Variants in VDAC2 observed in about 807,000 individuals in gnomAD.
The protein encoded by VDAC2 is non-selective voltage-gated ion channel VDAC2.
Under a neutral mutation model 36.6 loss-of-function variants are expected in VDAC2, and 6 were observed. That is an observed-to-expected ratio of 0.16 (90% confidence interval 0.09 to 0.32). VDAC2 has a LOEUF of 0.32. Ranked by LOEUF, VDAC2 falls within the 10% of genes least tolerant of loss-of-function variation. VDAC2 has a pLI of 1.00. For missense variants in VDAC2, 247 were observed against 346.0 expected, an observed-to-expected ratio of 0.71 and a Z score of 2.27; for synonymous variants, 109 against 123.8, an observed-to-expected ratio of 0.88 and a Z score of 0.79.
chr10:75,221,464 C>G (rs1841811854), intron 7 of VDAC2, among the ~76,000 whole-genome samples: 1 of 152,126 alleles, frequency 6.6e-6, no homozygotes, highest in Non-Finnish European at 1.5e-5. Context: ...TCCCAAGTAG[C>G]TGGGACTACA....
chr10:75,221,329 G>GT (rs915644889), intron 7 of VDAC2, among the ~76,000 whole-genome samples: 49 of 151,188 alleles, frequency 3.2e-4, no homozygotes, highest in African/African-American at 8.7e-4. Flanking sequence ...TTGTGGTTGG[G>GT]TTTTTTTTTC....
At chr10:75,211,586 G>A (rs1033155958) in intron 2 of VDAC2, 2 of 1,550,490 alleles carry the variant, frequency 1.3e-6, no homozygotes, top group African/African-American at 1.4e-5. Flanking sequence ...TGGAATGAAT[G>A]AGCTGGTGTA....
In VDAC2 at chr10:75,219,300, A is replaced by T. The variant is rs769422315; in HGVS notation, c.304-4A>T. ...GAAAACAAATTACTTTTCTTTCAAA[A>T]TAGATTTGTCAAGGTTTGAAACTGA... On this transcript the variant is annotated splice_region_variant and splice_polypyrimidine_tract_variant and intron_variant, in intron 5 of 9. Coordinates refer to ENST00000332211, the MANE Select transcript of VDAC2 (RefSeq NM_001391963.1). 8 of 1,592,334 alleles carry T rather than the reference A, an allele frequency of 5.0e-6. No individual in the cohort carries two copies. The South Asian group carries it at 8.2e-5, about 16-fold the overall frequency.
rs1005922975 is a variant in VDAC2 at position 75,226,545 on chromosome 10, C to T, written c.736-3099C>T. On this transcript the variant is annotated intron_variant, in intron 8 of 9. Transcript: ENST00000332211. ...CATCTCTGCTCACTGCAACCTCAAC[C>T]TCCGCCTCTCGGGTTCAAGCAGTTC... Among the ~76,000 whole-genome samples, 5 of 150,054 alleles carry T rather than the reference C, an allele frequency of 3.3e-5. No homozygotes were observed. The East Asian group carries it at 1.0e-3, about 30-fold the overall frequency.
At chr10:75,210,780 C>T (rs1034575563), upstream of VDAC2, 40 of 185,856 alleles carry the variant, frequency 2.2e-4, no homozygotes, top group African/African-American at 7.7e-4. Context: ...GGGGCAGCGG[C>T]GGGGTCCTGT....
chr10:75,222,176 A>T lies in VDAC2; in HGVS notation c.585-76A>T, dbSNP rs1409717828. On this transcript the variant is annotated intron_variant, in intron 7 of 9. Transcript: ENST00000332211. Reference sequence around the variant, plus strand: ...AGCTGTGGTTTTTTATTTAAATGTAATGCTACAAATCAGCCTGTGCCTTAG... The same window carrying T: ...AGCTGTGGTTTTTTATTTAAATGTATTGCTACAAATCAGCCTGTGCCTTAG... The T allele has an allele frequency of 2.8e-6, 4 of 1,423,978 alleles. No individual in the cohort carries two copies. In the African/African-American group the frequency reaches 5.8e-5, roughly 21 times the overall value. The allele number at this position is 1,423,978 out of a possible 1,614,324, so 88.2% of individuals were successfully genotyped here.
At chr10:75,221,451 A>G (rs1398053821) in intron 7 of VDAC2, among the ~76,000 whole-genome samples, 4 of 151,374 alleles carry the variant, frequency 2.6e-5, no homozygotes, top group South Asian at 2.1e-4. Context: ...TCCTGCCTCA[A>G]CCTCCCAAGT....
intron 4 of VDAC2, chr10:75,218,254 C>G (rs1193685102): frequency 1.8e-5 from 3 of 168,268 alleles, no homozygotes; most frequent in African/African-American, 7.2e-5. Flanking sequence ...CTCCCAGGCT[C>G]AAGCAGTCCT....
In VDAC2 at chr10:75,220,826, C is replaced by T. The variant is rs1841790823; in HGVS notation, c.440C>T (p.Pro147Leu). Residue 147 changes from proline to leucine, a missense_variant, in exon 7 of 10, where the codon CCT becomes CTT. Around this residue, in one of 3 missense-constraint regions of VDAC2, gnomAD observed 159 missense variants for 234.0 expected, o/e 0.68. Coordinates refer to ENST00000332211, the MANE Select transcript of VDAC2 (RefSeq NM_001391963.1). The part of the protein sequence containing the change: ...GCDVDFDFAG[P>L]AIHGSAVFGY... ...GATGTTGACTTTGATTTTGCTGGAC[C>T]TGCAATCCATGGTTCAGCTGTCTTT... The T allele has an allele frequency of 6.2e-6, 10 of 1,613,536 alleles. No individual in the cohort carries two copies. Among genetic ancestry groups the T allele is most frequent in the Non-Finnish European group, 8.5e-6 (10 of 1,179,544 alleles).
rs1339141436 is a variant in VDAC2, at chr10:75,211,200, C to T, written c.31+11C>T. On this transcript the variant is annotated intron_variant, in intron 2 of 9. Transcript: ENST00000332211. Reference sequence around the variant, plus strand: ...AGACTTGCGCGCGTCGTAAGTAAAGCTGGGATCTCTGCGGGATGGGGCGGC... The same window carrying T: ...AGACTTGCGCGCGTCGTAAGTAAAGTTGGGATCTCTGCGGGATGGGGCGGC... The T allele has an allele frequency of 1.9e-6, 3 of 1,612,526 alleles. No individual in the cohort carries two copies. The highest frequency in any genetic ancestry group is 1.3e-5 in the African/African-American group (1 of 74,900).
intron 9 of VDAC2, 31 bp downstream of exon 9, chr10:75,229,732 T>C (rs1049507071): frequency 6.5e-7 from 1 of 1,541,740 alleles, no homozygotes; most frequent in African/African-American, 1.4e-5. Flanking sequence ...AGGATTGTTT[T>C]GATAGTATTA....
chr10:75,229,596 T>G (rs1185057222), intron 8 of VDAC2, 48 bp from the exon 9 acceptor site: 2 of 1,441,886 alleles, frequency 1.4e-6, no homozygotes, highest in Middle Eastern at 1.8e-4. Context: ...AGGGGCTTTG[T>G]CTCTATTGAA....
intron 8 of VDAC2, among the ~76,000 whole-genome samples, chr10:75,225,771 TC>T (rs1445909819): frequency 1.3e-5 from 2 of 152,150 alleles, no homozygotes; most frequent in Non-Finnish European, 2.9e-5. Flanking sequence ...TATTTTTTTT[TC>T]TCTTCATAGG....
chr10:75,218,637 C>T (rs939051171), intron 4 of VDAC2, among the ~76,000 whole-genome samples: 1 of 152,092 alleles, frequency 6.6e-6, no homozygotes, highest in Non-Finnish European at 1.5e-5. Flanking sequence ...TGGCGGGCAC[C>T]TGTAATCCCA....
rs1248774041 is a variant in VDAC2 at position 75,212,227 on chromosome 10, C to T, written c.32-3C>T. Reference sequence around the variant, plus strand: ...TAACACTGGAATGTTTTTTTTCTACCAGCAATGTGTATTCCTCCATCATAT... The same window carrying T: ...TAACACTGGAATGTTTTTTTTCTACTAGCAATGTGTATTCCTCCATCATAT... On this transcript the variant is annotated splice_region_variant and splice_polypyrimidine_tract_variant and intron_variant, in intron 2 of 9. Transcript: ENST00000332211. The T allele has an allele frequency of 1.9e-6, 3 of 1,611,906 alleles. No individual in the cohort carries two copies. The highest frequency in any genetic ancestry group is 2.2e-5 in the South Asian group (2 of 90,534).
intron 7 of VDAC2, 144 bp from the exon 8 acceptor site, chr10:75,222,108 T>G: frequency 3.5e-6 from 3 of 851,900 alleles, no homozygotes; most frequent in Non-Finnish European, 5.3e-6. Flanking sequence ...AAAAAACCTG[T>G]TAAAACTTGC....
At chr10:75,214,154 T>G in intron 4 of VDAC2, 84 bp downstream of exon 4, 1 of 1,417,264 alleles carries the variant, frequency 7.1e-7, no homozygotes, top group Non-Finnish European at 9.8e-7. Flanking sequence ...GATGTCTACC[T>G]GTTTTGTCTT....
At chr10:75,217,784 C>A in intron 4 of VDAC2, 1 of 618,140 alleles carries the variant, frequency 1.6e-6, no homozygotes, top group Non-Finnish European at 2.4e-6. Flanking sequence ...AAGGATTTGT[C>A]TCTAACAGCA....
chr10:75,222,771 C>T (rs1244013621), intron 8 of VDAC2, among the ~76,000 whole-genome samples: 7 of 152,068 alleles, frequency 4.6e-5, no homozygotes, highest in Admixed American at 2.0e-4. Flanking sequence ...GGCACAATCA[C>T]GACTCCCGGC....
Sources: allele counts gnomAD v4.1 joint callset (sites outside exome capture counted in the v4.1 genomes callset), GRCh38; gene constraint gnomAD v4.1.1; regional missense constraint gnomAD v4.1.1; transcripts MANE v1.5; gene names NCBI Gene and HGNC (gene_info 2026-07-23, HGNC 2026-07-21).